Variants in DENND1A observed in about 807,000 individuals in gnomAD.
DENND1A encodes the protein DENN domain containing 1A, also known as DENN domain-containing protein 1A.
A neutral mutation model predicts 113.7 loss-of-function variants in DENND1A; 51 were observed. The ratio of observed to expected loss-of-function variants is 0.45; its 90% confidence interval spans 0.36 to 0.57. DENND1A has a LOEUF of 0.57. DENND1A is among the 20% of genes least tolerant of loss of function. The pLI, the probability that DENND1A is intolerant of heterozygous loss-of-function variation, is 0.00. For missense variants in DENND1A, 1,258 were observed against 1,395.9 expected, an observed-to-expected ratio of 0.90 and a Z score of 1.57; for synonymous variants, 565 against 570.8, an observed-to-expected ratio of 0.99 and a Z score of 0.14.
intron 5 of DENND1A, among the ~76,000 whole-genome samples, chr9:123,738,483 A>G (rs1219312107): frequency 1.9e-5 from 2 of 106,108 alleles, no homozygotes; most frequent in African/African-American, 4.3e-5. Flanking sequence ...GTGTGTGTGT[A>G]GTGATGTTTT....
intron 5 of DENND1A, among the ~76,000 whole-genome samples, chr9:123,677,992 C>G (rs1051585738): frequency 6.6e-6 from 1 of 152,130 alleles, no homozygotes; most frequent in African/African-American, 2.4e-5. Flanking sequence ...CCTTTTCTCC[C>G]AGACCTCTGT....
At chr9:123,863,977 T>C (rs900331853) in intron 2 of DENND1A, among the ~76,000 whole-genome samples, 1 of 150,188 alleles carries the variant, frequency 6.7e-6, no homozygotes, top group Non-Finnish European at 1.5e-5. Context: ...CAAAACTCCA[T>C]ATTGCTTCAC....
At chr9:123,730,471 A>C (rs2068078055) in intron 5 of DENND1A, among the ~76,000 whole-genome samples, 1 of 152,230 alleles carries the variant, frequency 6.6e-6, no homozygotes, top group Admixed American at 6.5e-5. Flanking sequence ...TTTTCAAAAG[A>C]AGACATTTAT....
intron 5 of DENND1A, among the ~76,000 whole-genome samples, chr9:123,739,571 A>T (rs1201511894): frequency 2.0e-5 from 3 of 152,198 alleles, no homozygotes; most frequent in Admixed American, 6.5e-5. Flanking sequence ...GCTGAAAGTT[A>T]TCTCAGGTTT....
At position 123,930,079 on chromosome 9, in the gene DENND1A, T is replaced by G; in HGVS notation, c.-174A>C. The G allele has an allele frequency of 4.9e-6, 1 of 202,280 alleles. No individual in the cohort carries two copies. The highest frequency in any genetic ancestry group is 9.8e-6 in the Non-Finnish European group (1 of 102,238). The allele number at this position is 202,280 out of a possible 1,614,324, so 12.5% of individuals were successfully genotyped here. A position where few individuals can be genotyped will look rare whatever the true frequency, so the allele number is the denominator to read the frequency against. Reference sequence around the variant, plus strand: ...CGCCGCCGCCGCCGCCTCCAGGGGTTAATGTACTCGCTCCAGCCCGGCGAA... The same window carrying G: ...CGCCGCCGCCGCCGCCTCCAGGGGTGAATGTACTCGCTCCAGCCCGGCGAA... On this transcript the variant is annotated 5_prime_UTR_variant, in exon 1 of 24. It removes the in-frame stop codon of an upstream open reading frame in the 5' UTR. Transcript: ENST00000394215.
At chr9:123,469,522 C>G (rs547500239) in intron 13 of DENND1A, among the ~76,000 whole-genome samples, 3 of 152,348 alleles carry the variant, frequency 2.0e-5, no homozygotes, top group South Asian at 2.1e-4. Context: ...CTGCATTAAC[C>G]GAGACAAACA....
chr9:123,700,764 C>T (rs781544779), intron 5 of DENND1A, among the ~76,000 whole-genome samples: 4 of 152,154 alleles, frequency 2.6e-5, no homozygotes, highest in Admixed American at 6.5e-5. Context: ...TAATTAGGTA[C>T]CATAGCCTAG....
chr9:123,808,818 T>G (rs1031376155), intron 2 of DENND1A, among the ~76,000 whole-genome samples: 1 of 152,186 alleles, frequency 6.6e-6, no homozygotes, highest in Non-Finnish European at 1.5e-5. Context: ...TCTATAATAC[T>G]TCCCAGTGAA....
chr9:123,599,377 A>C (rs1001083342), intron 11 of DENND1A, among the ~76,000 whole-genome samples: 2 of 152,104 alleles, frequency 1.3e-5, no homozygotes, highest in Non-Finnish European at 2.9e-5. Flanking sequence ...AGCAGGGGGG[A>C]AAAAAGGCAT....
In DENND1A at chr9:123,486,816, C is replaced by T. The variant is rs189005625; in HGVS notation, c.994-28919G>A. Among the ~76,000 whole-genome samples, 11 of 152,320 alleles carry T rather than the reference C, an allele frequency of 7.2e-5. No homozygotes were observed. In the East Asian group the frequency reaches 2.1e-3, roughly 29 times the overall value. ...ACCCTCCTATTGACCACACATTTGC[C>T]TCTTACACTCCTCTGGGAATAGGTA... is the stretch of plus-strand genomic sequence containing the variant. On this transcript the variant is annotated intron_variant, in intron 13 of 23. Transcript: ENST00000394215.
At chr9:123,706,746 G>C (rs2066231291) in intron 5 of DENND1A, among the ~76,000 whole-genome samples, 2 of 136,112 alleles carry the variant, frequency 1.5e-5, no homozygotes, top group Admixed American at 1.5e-4. Flanking sequence ...CCTCCAGTCT[G>C]GGTGACAGAG....
chr9:123,853,325 T>C (rs1843656943), intron 2 of DENND1A, among the ~76,000 whole-genome samples: 1 of 152,028 alleles, frequency 6.6e-6, no homozygotes, highest in African/African-American at 2.4e-5. Flanking sequence ...AAATATTTCA[T>C]TTGGAACACT....
intron 6 of DENND1A, among the ~76,000 whole-genome samples, chr9:123,671,632 A>G (rs937881523): frequency 1.3e-5 from 2 of 152,186 alleles, no homozygotes; most frequent in Non-Finnish European, 2.9e-5. Flanking sequence ...TATGGATCAT[A>G]TACCATAAGC....
chr9:123,833,181 G>A (rs990955138), intron 2 of DENND1A, among the ~76,000 whole-genome samples: 1 of 148,946 alleles, frequency 6.7e-6, no homozygotes, highest in East Asian at 2.0e-4. Flanking sequence ...AAAAGGTAAT[G>A]GTTCTCTAAT....
chr9:123,792,970 A>G (rs1833225231), intron 2 of DENND1A, among the ~76,000 whole-genome samples: 1 of 152,210 alleles, frequency 6.6e-6, no homozygotes, highest in African/African-American at 2.4e-5. Context: ...TCTAATCAGA[A>G]GCCTCCTTTG....
chr9:123,459,121 A>T (rs1354790131), intron 13 of DENND1A, among the ~76,000 whole-genome samples: 1 of 152,242 alleles, frequency 6.6e-6, no homozygotes, highest in African/African-American at 2.4e-5. Flanking sequence ...GTGAACTGAG[A>T]TGGCGCCATT....
At chr9:123,914,671 A>C (rs1564498509) in intron 1 of DENND1A, among the ~76,000 whole-genome samples, 1 of 151,968 alleles carries the variant, frequency 6.6e-6, no homozygotes, top group Non-Finnish European at 1.5e-5. Context: ...CAGGAAGTTT[A>C]CAATCATGGC....
At chr9:123,652,821 T>C (rs1427493331) in intron 8 of DENND1A, among the ~76,000 whole-genome samples, 1 of 152,168 alleles carries the variant, frequency 6.6e-6, no homozygotes, top group Non-Finnish European at 1.5e-5. Flanking sequence ...AGCAGTGTTT[T>C]AACTAGCTTT....
chr9:123,818,563 C>CATATATAT (rs1294531008), intron 2 of DENND1A, among the ~76,000 whole-genome samples: 86 of 56,982 alleles, frequency 1.5e-3, no homozygotes, highest in African/African-American at 3.1e-3. Flanking sequence ...CACACACACA[C>CATATATAT]ACACATATAT....
Sources: allele counts gnomAD v4.1 joint callset (sites outside exome capture counted in the v4.1 genomes callset), GRCh38; gene constraint gnomAD v4.1.1; transcripts MANE v1.5; gene names NCBI Gene and HGNC (gene_info 2026-07-23, HGNC 2026-07-21).